MLLT10: variants seen among roughly 807,000 people sequenced by gnomAD.
MLLT10 encodes the protein protein AF-10.
In MLLT10, 30 loss-of-function variants were observed where a neutral mutation model predicts 129.1. The ratio of observed to expected loss-of-function variants is 0.23; its 90% CI spans 0.17 to 0.32. The LOEUF is 0.32. MLLT10 is among the 10% of genes least tolerant of loss of function. The pLI, the probability that MLLT10 is intolerant of heterozygous loss-of-function variation, is 1.00. For synonymous variants in MLLT10, 490 were observed against 446.4 expected, an observed-to-expected ratio of 1.10 and a Z score of -1.23; for missense variants, 1,119 against 1,268.3, an observed-to-expected ratio of 0.88 and a Z score of 1.79.
intron 4 of MLLT10, 93 bp from the exon 5 acceptor site, chr10:21,595,238 C>T: frequency 2.4e-6 from 2 of 824,278 alleles, no homozygotes; most frequent in Non-Finnish European, 3.8e-6. Context: ...GCATTTATTT[C>T]AATAGACATT....
At chr10:21,647,894 G>A (rs143101374) in intron 8 of MLLT10, among the ~76,000 whole-genome samples, 1 of 151,016 alleles carries the variant, frequency 6.6e-6, no homozygotes, top group Admixed American at 6.6e-5. Flanking sequence ...TTATTTTTTG[G>A]GGGGGAGGTT....
At chr10:21,575,988 G>A (rs1470314966) in intron 3 of MLLT10, among the ~76,000 whole-genome samples, 12 of 151,358 alleles carry the variant, frequency 7.9e-5, no homozygotes, top group Non-Finnish European at 1.6e-4. Flanking sequence ...GTACAGTGGT[G>A]TGATCTTGGC....
chr10:21,636,471 T>C (rs2047470321), intron 8 of MLLT10, among the ~76,000 whole-genome samples: 2 of 152,230 alleles, frequency 1.3e-5, no homozygotes, highest in South Asian at 4.1e-4. Context: ...ATATTGTCTT[T>C]ATATATGTAT....
Position 21,580,724 on chromosome 10 carries a change from CAG to C in MLLT10, c.241-5567_241-5566del, listed in dbSNP as rs776649355. Among the ~76,000 whole-genome samples, 45 of 150,236 alleles carry C rather than the reference CAG, an allele frequency of 3.0e-4. 1 individual carries two copies. Among genetic ancestry groups the C allele is most frequent in the Admixed American group, 6.7e-4 (10 of 15,034 alleles). ...TATTTTCTTTTCTTTTTTTTTGAGA[CAG>C]AGTCTTGCACTGTCGCCTGGGCTGG... On this transcript the variant is annotated intron_variant, in intron 3 of 22. Transcript: ENST00000307729.
At chr10:21,599,144 C>T (rs1331809491) in intron 5 of MLLT10, among the ~76,000 whole-genome samples, 2 of 150,912 alleles carry the variant, frequency 1.3e-5, no homozygotes, top group Non-Finnish European at 3.0e-5. Flanking sequence ...CACCACTGCA[C>T]CTCAGCCTGG....
At chr10:21,644,575 A>T (rs1303656582) in intron 8 of MLLT10, among the ~76,000 whole-genome samples, 1 of 152,090 alleles carries the variant, frequency 6.6e-6, no homozygotes, top group Non-Finnish European at 1.5e-5. Context: ...CAGGTTCTAT[A>T]TATCTCAAGT....
intron 13 of MLLT10, among the ~76,000 whole-genome samples, chr10:21,712,678 T>C (rs78311060): frequency 0.019 from 2,872 of 152,274 alleles, 87 homozygotes; most frequent in African/African-American, 0.065. Context: ...AGTTATTTCT[T>C]CTGGAGGCTG....
At chr10:21,725,535 A>G (rs2057423503) in intron 14 of MLLT10, among the ~76,000 whole-genome samples, 1 of 151,986 alleles carries the variant, frequency 6.6e-6, no homozygotes, top group Non-Finnish European at 1.5e-5. Context: ...CCTGGCCAAC[A>G]TGGTGAAACT....
rs113914027 is a variant in MLLT10 at position 21,650,672 on chromosome 10, A to G, written c.700-1001A>G. 7.8e-3 allele frequency among the ~76,000 whole-genome samples: 1,191 copies of G among 152,222 alleles called. 10 individuals carry two copies. The highest frequency in any genetic ancestry group is 0.011 in the Non-Finnish European group (731 of 68,008). On this transcript the variant is annotated intron_variant, in intron 8 of 22. Coordinates refer to ENST00000307729, the MANE Select transcript of MLLT10 (RefSeq NM_001195626.3). ...CTTTAAATAGTAAATTTCACACCCA[A>G]TACTGTTTCATAATGTAGTGATTCA...
intron 3 of MLLT10, among the ~76,000 whole-genome samples, chr10:21,563,778 T>C (rs573435887): frequency 6.6e-6 from 1 of 150,550 alleles, no homozygotes; most frequent in East Asian, 1.9e-4. Flanking sequence ...CGGGTAGTGA[T>C]ATCTCACTGT....
intron 9 of MLLT10, among the ~76,000 whole-genome samples, chr10:21,662,419 CTTTCCT>C (rs951220524): frequency 4.0e-5 from 6 of 150,778 alleles, no homozygotes; most frequent in Admixed American, 6.7e-5. Context: ...TCTTTTTTCT[CTTTCCT>C]TTTCAATTTT....
At chr10:21,583,327 A>G (rs1250461194) in intron 3 of MLLT10, among the ~76,000 whole-genome samples, 1 of 152,148 alleles carries the variant, frequency 6.6e-6, no homozygotes, top group Non-Finnish European at 1.5e-5. Context: ...CTAGTGTTTC[A>G]TGTGAAATAA....
chr10:21,673,318 C>CCCATT (rs1564622986), intron 10 of MLLT10, 32 bp from the exon 11 acceptor site: 4 of 295,852 alleles, frequency 1.4e-5, no homozygotes, highest in African/African-American at 7.5e-5. Context: ...CACCCCCCAA[C>CCCATT]TTTTTTTTTT....
chr10:21,660,283 T>G lies in MLLT10; in HGVS notation c.795+8515T>G, dbSNP rs1589483489. Among the ~76,000 whole-genome samples, 4 of 151,328 alleles carry G rather than the reference T, an allele frequency of 2.6e-5. No homozygotes were observed. In the Middle Eastern group the frequency reaches 0.014, roughly 518 times the overall value. ...ATGCCTGGCCACTTTAATTTTTGTT[T>G]GCTTACATTGGGCTTAATTGGCTCT... On this transcript the variant is annotated intron_variant, in intron 9 of 22. Transcript: ENST00000307729.
At chr10:21,611,218 AGGCT>A (rs532286520) in intron 5 of MLLT10, among the ~76,000 whole-genome samples, 23 of 147,162 alleles carry the variant, frequency 1.6e-4, no homozygotes, top group Non-Finnish European at 3.1e-4. Flanking sequence ...CATGTTGGCC[AGGCT>A]GGTCTCGAAC....
intron 3 of MLLT10, among the ~76,000 whole-genome samples, chr10:21,550,126 CAG>C (rs768459995): frequency 2.6e-5 from 4 of 152,162 alleles, no homozygotes; most frequent in Non-Finnish European, 5.9e-5. Context: ...TTGGTAGCTG[CAG>C]AGTCTGTTAC....
chr10:21,678,586 G>A (rs2052425980), intron 11 of MLLT10, among the ~76,000 whole-genome samples: 1 of 152,212 alleles, frequency 6.6e-6, no homozygotes. Flanking sequence ...CAGGAAGCTT[G>A]TATTTGTGGC....
At chr10:21,644,682 C>T (rs887616195) in intron 8 of MLLT10, among the ~76,000 whole-genome samples, 33 of 152,002 alleles carry the variant, frequency 2.2e-4, no homozygotes, top group African/African-American at 6.8e-4. Context: ...CACTCTGTCC[C>T]CCAAGCTGGA....
intron 18 of MLLT10, 117 bp from the exon 19 acceptor site, chr10:21,733,387 G>C: frequency 1.6e-6 from 1 of 634,124 alleles, no homozygotes; most frequent in Non-Finnish European, 2.5e-6. Flanking sequence ...AGCAAGACTA[G>C]ATATTTAAGT....
Sources: gnomAD v4.1 joint callset for allele counts (sites outside exome capture counted in the v4.1 genomes callset) on GRCh38, gnomAD v4.1.1 for gene constraint, MANE v1.5 for transcripts, NCBI Gene and HGNC (gene_info 2026-07-23, HGNC 2026-07-21) for gene names.